The following EXOC6 variants were observed in gnomAD, a reference collection of about 807,000 sequenced individuals.
EXOC6 encodes the protein SEC15-like 1.
Under a neutral mutation model 112.5 loss-of-function variants are expected in EXOC6, and 60 were observed. The observed-to-expected ratio is 0.53, with a 90% confidence interval of 0.43 to 0.66. EXOC6 has a LOEUF of 0.66. EXOC6 is among the 30% of genes least tolerant of loss of function. The probability of loss-of-function intolerance (pLI) is 0.00; values close to 1 mark genes in which losing one functional copy is unlikely to be tolerated. For missense variants in EXOC6, 855 were observed against 957.1 expected (o/e 0.89, Z 1.41); for synonymous variants, 295 against 308.0 (o/e 0.96, Z 0.44).
At chr10:92,845,511 C>G (rs1847014820), upstream of EXOC6, among the ~76,000 whole-genome samples, 2 of 148,598 alleles carry the variant, frequency 1.3e-5, no homozygotes, top group Admixed American at 1.3e-4. Context: ...CAAGATCGCA[C>G]CACTGCACTC....
intron 18 of EXOC6, 68 bp from the exon 19 acceptor site, chr10:92,997,406 C>T: frequency 7.0e-7 from 1 of 1,427,024 alleles, no homozygotes; most frequent in Admixed American, 2.3e-5. Flanking sequence ...TATGATTTTT[C>T]TGATTCTTTA....
chr10:92,986,120 C>T (rs1295955790), intron 18 of EXOC6, among the ~76,000 whole-genome samples: 1 of 152,076 alleles, frequency 6.6e-6, no homozygotes, highest in Admixed American at 6.6e-5. Flanking sequence ...GTGATACTTT[C>T]ATTATCACAT....
intron 18 of EXOC6, among the ~76,000 whole-genome samples, chr10:92,993,694 G>C (rs1486796044): frequency 6.6e-6 from 1 of 152,148 alleles, no homozygotes; most frequent in East Asian, 1.9e-4. Context: ...ACAGGAAACA[G>C]AGTGTCTTTA....
chr10:92,885,884 C>T (rs918423630), intron 1 of EXOC6, among the ~76,000 whole-genome samples: 81 of 151,790 alleles, frequency 5.3e-4, no homozygotes, highest in African/African-American at 1.8e-3. Context: ...GTGTCATTAT[C>T]TATATATAGA....
chr10:92,846,897 A>G (rs1328902440), upstream of EXOC6, among the ~76,000 whole-genome samples: 1 of 152,240 alleles, frequency 6.6e-6, no homozygotes, highest in Non-Finnish European at 1.5e-5. Flanking sequence ...GTCCTTAAAA[A>G]CTGAGCATCT....
intron 19 of EXOC6, among the ~76,000 whole-genome samples, chr10:93,011,590 A>G (rs920148271): frequency 2.0e-5 from 3 of 152,192 alleles, no homozygotes; most frequent in Admixed American, 2.0e-4. Context: ...AAGTTAGAAA[A>G]CACCTTTAAT....
upstream of EXOC6, among the ~76,000 whole-genome samples, chr10:92,832,723 C>T (rs1485717065): frequency 6.9e-6 from 1 of 144,842 alleles, no homozygotes; most frequent in Non-Finnish European, 1.5e-5. Context: ...AGTTCAGTGG[C>T]CCGATCTTGG....
chr10:92,923,028 A>T (rs960547989), intron 8 of EXOC6, among the ~76,000 whole-genome samples: 5 of 152,200 alleles, frequency 3.3e-5, no homozygotes, highest in African/African-American at 1.2e-4. Flanking sequence ...CTCTGCTCAG[A>T]TTCCCTTGGG....
upstream of EXOC6, chr10:92,831,381 G>A (rs923022551): frequency 2.4e-6 from 3 of 1,264,128 alleles, no homozygotes; most frequent in Non-Finnish European, 3.1e-6. Flanking sequence ...ATAGTGGTTT[G>A]TTAATTAAAC....
chr10:92,831,434 T>A (rs1846475989), upstream of EXOC6: 1 of 839,526 alleles, frequency 1.2e-6, no homozygotes, highest in African/African-American at 1.8e-5. Flanking sequence ...TTCTATTTTT[T>A]TTTTATTTTT....
At chr10:93,033,288 A>T (rs757514133) in intron 20 of EXOC6, among the ~76,000 whole-genome samples, 1 of 152,236 alleles carries the variant, frequency 6.6e-6, no homozygotes. Flanking sequence ...GAATTGCTGT[A>T]GTAACTACTG....
At chr10:92,997,832 C>T (rs1459414090) in intron 19 of EXOC6, among the ~76,000 whole-genome samples, 1 of 152,142 alleles carries the variant, frequency 6.6e-6, no homozygotes, top group African/African-American at 2.4e-5. Flanking sequence ...ACTGAAGTGG[C>T]ATTCCAGATT....
intron 18 of EXOC6, among the ~76,000 whole-genome samples, chr10:92,975,124 C>G (rs10882133): frequency 3.2e-4 from 48 of 150,590 alleles, no homozygotes; most frequent in African/African-American, 1.2e-3. Flanking sequence ...AAGTGAGGAG[C>G]GCCTCTTCCC....
At chr10:92,870,784 C>T (rs539307778) in intron 1 of EXOC6, among the ~76,000 whole-genome samples, 1 of 151,806 alleles carries the variant, frequency 6.6e-6, no homozygotes, top group East Asian at 1.9e-4. Context: ...TCTTGGCTCA[C>T]TGCATCCTCT....
At chr10:92,915,565 A>T (rs1335652575) in intron 6 of EXOC6, among the ~76,000 whole-genome samples, 193 bp from the exon 7 acceptor site, 3 of 109,244 alleles carry the variant, frequency 2.7e-5, no homozygotes, top group African/African-American at 7.2e-5. Flanking sequence ...TGAGACCCTG[A>T]TTTTTTTTTT....
intron 18 of EXOC6, among the ~76,000 whole-genome samples, chr10:92,980,447 C>T (rs906019530): frequency 8.4e-6 from 1 of 119,160 alleles, no homozygotes; most frequent in African/African-American, 3.8e-5. Context: ...TCCCTTGTTA[C>T]AGTTTTAAAA....
intron 7 of EXOC6, among the ~76,000 whole-genome samples, chr10:92,919,653 C>T (rs1475665363): frequency 6.6e-6 from 1 of 152,012 alleles, no homozygotes; most frequent in African/African-American, 2.4e-5. Context: ...CATTTTTACC[C>T]AAAACAATAA....
At position 92,980,792 on chromosome 10, in the gene EXOC6, A is replaced by T. The variant is rs190978111; in HGVS notation, c.1953+6560A>T. ...TGTATAAGTTTCCCTTCTTTTAATA[A>T]TTTTTTTCTGACAATTAGAAAATAT... On this transcript the variant is annotated intron_variant, in intron 18 of 21. Transcript: ENST00000260762. Among the ~76,000 whole-genome samples, 10 of 152,236 alleles carry T rather than the reference A, an allele frequency of 6.6e-5. No homozygotes were observed. The East Asian group carries it at 1.7e-3, about 26-fold the overall frequency.
intron 19 of EXOC6, among the ~76,000 whole-genome samples, chr10:93,006,460 A>G (rs917423919): frequency 2.0e-5 from 3 of 152,196 alleles, no homozygotes; most frequent in Non-Finnish European, 2.9e-5. Context: ...ATTCCAAGAA[A>G]TGGAGAAAAC....
Sources: allele counts gnomAD v4.1 joint callset (sites outside exome capture counted in the v4.1 genomes callset), GRCh38; gene constraint gnomAD v4.1.1; transcripts MANE v1.5; gene names NCBI Gene and HGNC (gene_info 2026-07-23, HGNC 2026-07-21).